GSTCD: variants seen among roughly 807,000 people sequenced by gnomAD.
GSTCD encodes glutathione S-transferase C-terminal domain-containing protein.
A neutral mutation model predicts 68.3 loss-of-function variants in GSTCD; 44 were observed. The ratio of observed to expected loss-of-function variants is 0.64; its 90% confidence interval spans 0.51 to 0.83. The LOEUF is 0.83. Ranked by LOEUF, GSTCD falls within the 40% of genes least tolerant of loss-of-function variation. The probability of loss-of-function intolerance (pLI) is 0.00; values close to 1 mark genes in which losing one functional copy is unlikely to be tolerated. For synonymous variants in GSTCD, 273 were observed against 255.2 expected (o/e 1.07, Z -0.67); for missense variants, 739 against 735.9 (o/e 1.00, Z -0.05).
At chr4:105,730,608 ATTTG>A (rs1387674936) in intron 5 of GSTCD, among the ~76,000 whole-genome samples, 14 of 152,030 alleles carry the variant, frequency 9.2e-5, no homozygotes, top group Admixed American at 5.2e-4. Context: ...TTTCTTGTAA[ATTTG>A]TTTGAGTTCA....
intron 8 of GSTCD, among the ~76,000 whole-genome samples, chr4:105,833,867 A>T (rs1021013093): frequency 6.6e-6 from 1 of 152,214 alleles, no homozygotes; most frequent in African/African-American, 2.4e-5. Context: ...CAATCCTTTT[A>T]AAATAAACTC....
At chr4:105,800,932 C>T (rs1214394281) in intron 5 of GSTCD, among the ~76,000 whole-genome samples, 2 of 152,094 alleles carry the variant, frequency 1.3e-5, no homozygotes, top group African/African-American at 4.8e-5. Context: ...TCACAGCCAA[C>T]AGCACCATAA....
At chr4:105,756,150 G>A (rs1457441727) in intron 5 of GSTCD, among the ~76,000 whole-genome samples, 2 of 152,188 alleles carry the variant, frequency 1.3e-5, no homozygotes, top group African/African-American at 4.8e-5. Context: ...AGGAGTTTCT[G>A]TCCCTGTGGA....
intron 5 of GSTCD, among the ~76,000 whole-genome samples, chr4:105,763,067 A>C (rs989670170): frequency 6.6e-6 from 1 of 152,212 alleles, no homozygotes; most frequent in African/African-American, 2.4e-5. Context: ...TTTGTACCAT[A>C]TGAAAGCTGT....
intron 8 of GSTCD, among the ~76,000 whole-genome samples, chr4:105,827,882 TAA>T (rs1373660936): frequency 1.3e-5 from 2 of 152,042 alleles, no homozygotes; most frequent in African/African-American, 2.4e-5. Flanking sequence ...TAGAAACAAC[TAA>T]GTCTTTTTAA....
At chr4:105,821,871 GT>G (rs1305941972) in intron 5 of GSTCD, among the ~76,000 whole-genome samples, 2 of 151,594 alleles carry the variant, frequency 1.3e-5, no homozygotes, top group African/African-American at 4.8e-5. Context: ...TTTTTATATA[GT>G]TTTTTATTTA....
chr4:105,768,973 A>G (rs907310858), intron 5 of GSTCD, among the ~76,000 whole-genome samples: 16 of 151,944 alleles, frequency 1.1e-4, no homozygotes, highest in African/African-American at 2.7e-4. Context: ...TATTTTATAG[A>G]ATATAGAATA....
intron 7 of GSTCD, 66 bp from the exon 8 acceptor site, chr4:105,825,591 CTATGAAATATAGTGA>C: frequency 1.3e-6 from 1 of 779,768 alleles, no homozygotes; most frequent in Non-Finnish European, 2.1e-6. Flanking sequence ...ATTATTAAAG[CTATGAAATATAGTGA>C]TAATGCTTTG....
intron 5 of GSTCD, among the ~76,000 whole-genome samples, chr4:105,770,776 T>C (rs371227023): frequency 1.3e-4 from 20 of 152,326 alleles, no homozygotes; most frequent in African/African-American, 4.8e-4. Flanking sequence ...CTATCATTGA[T>C]GGCCATTTGG....
intron 5 of GSTCD, among the ~76,000 whole-genome samples, chr4:105,762,167 G>T (rs527614167): frequency 2.0e-5 from 3 of 152,212 alleles, no homozygotes; most frequent in Non-Finnish European, 4.4e-5. Context: ...CCTAATAAAT[G>T]ATTCAGATTG....
chr4:105,793,524 G>C (rs1181380381), intron 5 of GSTCD, among the ~76,000 whole-genome samples: 1 of 151,332 alleles, frequency 6.6e-6, no homozygotes, highest in Non-Finnish European at 1.5e-5. Flanking sequence ...TCTTAAAAAT[G>C]CCTATTTTGG....
intron 5 of GSTCD, among the ~76,000 whole-genome samples, chr4:105,757,012 A>G (rs1734223391): frequency 1.3e-5 from 2 of 152,148 alleles, no homozygotes; most frequent in Non-Finnish European, 2.9e-5. Flanking sequence ...TTGCCTACAA[A>G]ATTAATAAAA....
At chr4:105,765,510 T>A in intron 5 of GSTCD, among the ~76,000 whole-genome samples, 1 of 152,220 alleles carries the variant, frequency 6.6e-6, no homozygotes. Flanking sequence ...TCTAGGAGAT[T>A]GCTACATTGT....
chr4:105,837,882 C>A lies in GSTCD; in HGVS notation c.1688C>A (p.Ser563Ter), dbSNP rs1487961526. 6.4e-6 allele frequency: 7 copies of A among 1,097,338 alleles called. No homozygotes were observed. Among genetic ancestry groups the A allele is most frequent in the Non-Finnish European group, 6.6e-6 (5 of 754,926 alleles). The allele number at this position is 1,097,338 out of a possible 1,614,324, so 68.0% of individuals were successfully genotyped here. A position where few individuals can be genotyped will look rare whatever the true frequency, so the allele number is the denominator to read the frequency against. ...PKSEQFKKTLSYKEHMILCRF... is the reference protein window; with the variant it reads ...PKSEQFKKTL Reference sequence around the variant, plus strand: ...AGTGAACAATTCAAGAAAACTTTATCATACAAGGTAACCTTAAAAAGATCT... The same window carrying A: ...AGTGAACAATTCAAGAAAACTTTATAATACAAGGTAACCTTAAAAAGATCT... The change falls in exon 10 of 12, where the codon TCA (serine) becomes TAA (stop). Residue 563 changes from serine to a stop codon, truncating the protein, a stop_gained. Coordinates refer to ENST00000515279, the MANE Select transcript of GSTCD (RefSeq NM_001370181.1). LOFTEE classifies it high-confidence loss of function.
At chr4:105,723,035 G>A (rs1194450621) in intron 3 of GSTCD, among the ~76,000 whole-genome samples, 1 of 151,788 alleles carries the variant, frequency 6.6e-6, no homozygotes, top group Non-Finnish European at 1.5e-5. Context: ...TCAATTTCTT[G>A]TAAACATGAA....
chr4:105,726,075 C>T (rs889269916), intron 3 of GSTCD, among the ~76,000 whole-genome samples: 3 of 152,096 alleles, frequency 2.0e-5, no homozygotes, highest in Non-Finnish European at 4.4e-5. Flanking sequence ...AACACTGCTA[C>T]ATTATAATGT....
At chr4:105,826,280 T>C (rs1380149859) in intron 8 of GSTCD, among the ~76,000 whole-genome samples, 1 of 152,158 alleles carries the variant, frequency 6.6e-6, no homozygotes, top group Admixed American at 6.5e-5. Flanking sequence ...ATATTGATCA[T>C]GTTTCTAAAC....
chr4:105,773,661 G>A (rs1367404114), intron 5 of GSTCD, among the ~76,000 whole-genome samples: 46 of 152,110 alleles, frequency 3.0e-4, no homozygotes. Flanking sequence ...CCATGTAGTT[G>A]TGCAGTTTTG....
intron 11 of GSTCD, among the ~76,000 whole-genome samples, chr4:105,845,158 C>T (rs1230454263): frequency 1.3e-5 from 2 of 152,100 alleles, no homozygotes; most frequent in African/African-American, 4.8e-5. Flanking sequence ...GTAGGAAATA[C>T]AGTCTGAGGC....
Sources: gnomAD v4.1 joint callset for allele counts (sites outside exome capture counted in the v4.1 genomes callset) on GRCh38, gnomAD v4.1.1 for gene constraint, MANE v1.5 for transcripts, NCBI Gene and HGNC (gene_info 2026-07-23, HGNC 2026-07-21) for gene names.